The following DDX24 variants were observed in gnomAD, a reference collection of about 807,000 sequenced individuals.
The protein encoded by DDX24 is ATP-dependent RNA helicase DDX24.
A neutral mutation model predicts 68.9 loss-of-function variants in DDX24; 24 were observed. The ratio of observed to expected loss-of-function variants is 0.35; its 90% CI spans 0.25 to 0.49. The LOEUF (loss-of-function observed/expected upper bound fraction) is 0.49. DDX24 is among the 20% of genes least tolerant of loss of function. DDX24 has a pLI of 0.99. For missense variants in DDX24, 989 were observed against 1,039.0 expected (o/e 0.95, Z 0.66); for synonymous variants, 395 against 385.2 (o/e 1.03, Z -0.30).
chr14:94,076,571 T>C (rs1282574390), intron 2 of DDX24, among the ~76,000 whole-genome samples: 1 of 151,384 alleles, frequency 6.6e-6, no homozygotes, highest in African/African-American at 2.4e-5. Context: ...ATCCCAGCTA[T>C]TCGGGAAGCT....
chr14:94,076,674 C>T (rs1021935527), intron 2 of DDX24, among the ~76,000 whole-genome samples: 14 of 130,698 alleles, frequency 1.1e-4, no homozygotes, highest in Non-Finnish European at 1.8e-4. Context: ...GAGCGAGACT[C>T]CGTCTCAAAA....
chr14:94,070,882 C>T (rs1885814145), intron 2 of DDX24, among the ~76,000 whole-genome samples: 1 of 152,156 alleles, frequency 6.6e-6, no homozygotes, highest in African/African-American at 2.4e-5. Context: ...AGGACTTAAA[C>T]CTAAGACCTG....
Position 94,060,684 on chromosome 14 carries a change from C to T in DDX24, c.1398-71G>A, listed in dbSNP as rs1644077309. On this transcript the variant is annotated intron_variant, in intron 4 of 8. Transcript: ENST00000621632. ...GAGGAATCATCTATAGCACACCCTA[C>T]ACTCATCCTAAACACACACACACAC... The T allele has an allele frequency of 2.6e-6, 4 of 1,552,068 alleles. No individual in the cohort carries two copies. The South Asian group carries it at 3.7e-5, about 14-fold the overall frequency.
At position 94,057,860 on chromosome 14, in the gene DDX24, G is replaced by C. The variant is rs887871167; in HGVS notation, c.1951C>G (p.Leu651Val). The C allele has an allele frequency of 1.9e-6, 3 of 1,613,814 alleles. No homozygotes were observed. The African/African-American group carries it at 4.0e-5, about 22-fold the overall frequency. The change falls in exon 6 of 9, where the codon CTG becomes GTG. Residue 651 changes from leucine to valine, a missense_variant. Transcript: ENST00000621632. ...LLATDVAARG[L>V]DIPKVQHVIH... ...ACATGCTGGACTTTAGGAATATCCAGACCCCGAGCTGCCACATCTGTTGCC... is the reference window on the plus strand; with the variant it reads ...ACATGCTGGACTTTAGGAATATCCACACCCCGAGCTGCCACATCTGTTGCC...
Position 94,057,840 on chromosome 14 carries a change from C to T in DDX24, c.1971G>A (p.Gln657=). 1 of 1,613,816 alleles carries T rather than the reference C, an allele frequency of 6.2e-7. No individual in the cohort carries two copies. ...CCCCTACCTGGTAATGGATGACATG[C>T]TGGACTTTAGGAATATCCAGACCCC... ...AARGLDIPKV[Q]HVIHYQVPRT... is the part of the protein sequence containing the mutation. Residue 657 remains glutamine, a synonymous_variant, in exon 6 of 9, where the codon CAG becomes CAA. Coordinates refer to ENST00000621632, the MANE Select transcript of DDX24 (RefSeq NM_020414.4).
At chr14:94,077,185 AC>A (rs1273532439) in intron 2 of DDX24, among the ~76,000 whole-genome samples, 1 of 152,242 alleles carries the variant, frequency 6.6e-6, no homozygotes, top group Non-Finnish European at 1.5e-5. Flanking sequence ...TCAAAATTAT[AC>A]ATGGATTTTC....
At position 94,071,406 on chromosome 14, in the gene DDX24, C is replaced by A. The variant is rs184293610; in HGVS notation, c.718+7619G>T. Among the ~76,000 whole-genome samples, 204 of 152,040 alleles carry A rather than the reference C, an allele frequency of 1.3e-3. 1 individual carries two copies. Among genetic ancestry groups the A allele is most frequent in the Non-Finnish European group, 3.8e-4 (26 of 67,982 alleles). On this transcript the variant is annotated intron_variant, in intron 2 of 8. Transcript: ENST00000621632. ...GCTCATGCCTGTAATCCCAGCACTT[C>A]CGGAGGTTGAGGTGGGCAGATCACC...
intron 2 of DDX24, among the ~76,000 whole-genome samples, chr14:94,066,067 A>C (rs1466480323): frequency 1.3e-5 from 2 of 152,170 alleles, no homozygotes; most frequent in Non-Finnish European, 2.9e-5. Context: ...GGAAGAACTA[A>C]AGCCCCTTTT....
chr14:94,060,827 GAGA>G (rs1328734018), intron 4 of DDX24, 83 bp downstream of exon 4: 2 of 1,554,944 alleles, frequency 1.3e-6, no homozygotes, highest in South Asian at 1.2e-5. Context: ...ATTCTGCGAT[GAGA>G]AGAAGGCATT....
In DDX24 at chr14:94,060,403, G is replaced by A. The variant is rs1261068484; in HGVS notation, c.1608C>T (p.Asp536=). The change falls in exon 5 of 9, where the codon GAC becomes GAT. Residue 536 remains aspartate, a synonymous_variant. Coordinates refer to ENST00000621632, the MANE Select transcript of DDX24 (RefSeq NM_020414.4). ...TKKMDKTAKL[D]LLMQKIGMRG... ...TCATGCCAATTTTCTGCATAAGGAG[G>A]TCAAGTTTGGCTGTTTTATCCATTT... 1.2e-6 allele frequency: 2 copies of A among 1,614,172 alleles called. No homozygotes were observed. Among genetic ancestry groups the A allele is most frequent in the Admixed American group, 3.3e-5 (2 of 60,020 alleles).
intron 2 of DDX24, among the ~76,000 whole-genome samples, chr14:94,063,604 A>C (rs1885640026): frequency 6.6e-6 from 1 of 152,266 alleles, no homozygotes; most frequent in Non-Finnish European, 1.5e-5. Flanking sequence ...AGAGCAACCG[A>C]AACAGTAACT....
rs563633410 is a variant in DDX24 at position 94,048,368 on chromosome 14, A to G, written c.*2823T>C. 10 of 152,356 alleles carry G rather than the reference A, an allele frequency of 6.6e-5. No individual in the cohort carries two copies. The highest frequency in any genetic ancestry group is 4.6e-4 in the Admixed American group (7 of 15,306). 9.4% of individuals were successfully genotyped at this position (152,356 alleles called of 1,614,324 possible). ...ATCAATGGGAACAATTAGCAACAGAAAGAGCACAGTCCCTGCTTTTGACTG... is the reference window on the plus strand; with the variant it reads ...ATCAATGGGAACAATTAGCAACAGAGAGAGCACAGTCCCTGCTTTTGACTG... On this transcript the variant is annotated 3_prime_UTR_variant, in exon 9 of 9. Coordinates refer to ENST00000621632, the MANE Select transcript of DDX24 (RefSeq NM_020414.4).
At chr14:94,055,261 A>G (rs1287162101) in intron 6 of DDX24, 77 bp from the exon 7 acceptor site, 26 of 1,466,902 alleles carry the variant, frequency 1.8e-5, no homozygotes, top group Non-Finnish European at 2.3e-5. Flanking sequence ...CACATCCCCA[A>G]ACCAGACCCT....
chr14:94,060,895 A>C lies in DDX24; in HGVS notation c.1397+18T>G. ...CAGAAAAGGCAGTGAGGGGGAAAAG[A>C]GAAGTGCCATCTATTACCTGAGCTG... is the stretch of plus-strand genomic sequence containing the variant. On this transcript the variant is annotated intron_variant, in intron 4 of 8. Coordinates refer to ENST00000621632, the MANE Select transcript of DDX24 (RefSeq NM_020414.4). 1 of 1,613,308 alleles carries C rather than the reference A, an allele frequency of 6.2e-7. No homozygotes were observed. The highest frequency in any genetic ancestry group is 1.1e-5 in the South Asian group (1 of 91,026).
rs1326984098 is a variant in DDX24 at position 94,060,391 on chromosome 14, C to G, written c.1620G>C (p.Gln540His). ...DKTAKLDLLM[Q>H]KIGMRGKPKV... is the part of the protein sequence containing the mutation. Reference sequence around the variant, plus strand: ...TGGGCTTGCCCCTCATGCCAATTTTCTGCATAAGGAGGTCAAGTTTGGCTG... The same window carrying G: ...TGGGCTTGCCCCTCATGCCAATTTTGTGCATAAGGAGGTCAAGTTTGGCTG... The change falls in exon 5 of 9, where the codon CAG (glutamine) becomes CAC (histidine). Residue 540 changes from glutamine (Q) to histidine (H), a missense_variant. Gln to His is a conservative substitution (Grantham distance 24). Coordinates refer to ENST00000621632, the MANE Select transcript of DDX24 (RefSeq NM_020414.4). The G allele has an allele frequency of 6.2e-7, 1 of 1,614,164 alleles. No individual in the cohort carries two copies. The highest frequency in any genetic ancestry group is 2.2e-5 in the East Asian group (1 of 44,880).
chr14:94,064,018 T>C (rs1012059111), intron 2 of DDX24, among the ~76,000 whole-genome samples: 2 of 152,012 alleles, frequency 1.3e-5, no homozygotes, highest in East Asian at 1.9e-4. Flanking sequence ...ACATATGAAG[T>C]ATACAACAAA....
At position 94,048,535 on chromosome 14, in the gene DDX24, C is replaced by T. The variant is rs1367265915; in HGVS notation, c.*2656G>A. ...AATTCCCAAGTTTGTGAAATGGCAA[C>T]AATACCTATGTGTCACTGGATTATT... On this transcript the variant is annotated 3_prime_UTR_variant, in exon 9 of 9. Coordinates refer to ENST00000621632, the MANE Select transcript of DDX24 (RefSeq NM_020414.4). The T allele has an allele frequency of 2.0e-5, 3 of 152,210 alleles. No individual in the cohort carries two copies. The highest frequency in any genetic ancestry group is 2.1e-4 in the South Asian group (1 of 4,830). The allele number at this position is 152,210 out of a possible 1,614,324, so 9.4% of individuals were successfully genotyped here.
chr14:94,068,200 T>C (rs1353529980), intron 2 of DDX24, among the ~76,000 whole-genome samples: 4 of 152,060 alleles, frequency 2.6e-5, no homozygotes, highest in Non-Finnish European at 4.4e-5. Context: ...CAAAAGCAAG[T>C]AGGGGTAGCT....
At chr14:94,058,732 G>C (rs1365230339) in intron 5 of DDX24, among the ~76,000 whole-genome samples, 1 of 152,184 alleles carries the variant, frequency 6.6e-6, no homozygotes, top group African/African-American at 2.4e-5. Flanking sequence ...TCTGAGCTGA[G>C]GCCGGGAAAT....
Sources: gnomAD v4.1 joint callset for allele counts (sites outside exome capture counted in the v4.1 genomes callset) on GRCh38, gnomAD v4.1.1 for gene constraint, MANE v1.5 for transcripts, NCBI Gene and HGNC (gene_info 2026-07-23, HGNC 2026-07-21) for gene names.